The following GFM2 variants were observed in gnomAD, a reference collection of about 807,000 sequenced individuals.
GFM2 encodes the protein ribosome-releasing factor 2, mitochondrial.
A neutral mutation model predicts 95.4 loss-of-function variants in GFM2; 72 were observed. The ratio of observed to expected loss-of-function variants is 0.76; its 90% CI spans 0.62 to 0.92. The LOEUF is 0.92. GFM2 is among the 40% of genes least tolerant of loss of function. GFM2 has a pLI of 0.00. For synonymous variants in GFM2, 276 were observed against 317.5 expected (o/e 0.87, Z 1.39); for missense variants, 825 against 924.1 (o/e 0.89, Z 1.39).
At chr5:74,759,457 T>TA in intron 3 of GFM2, 31 bp from the exon 4 acceptor site, 1 of 1,175,580 alleles carries the variant, frequency 8.5e-7, no homozygotes. Context: ...ATTGAACTGT[T>TA]ACATTTATGA....
chr5:74,723,229 A>C (rs1264795475), intron 19 of GFM2, among the ~76,000 whole-genome samples: 1 of 152,170 alleles, frequency 6.6e-6, no homozygotes, highest in Non-Finnish European at 1.5e-5. Context: ...GGAGAGCTTC[A>C]AAAACGACTT....
intron 5 of GFM2, among the ~76,000 whole-genome samples, chr5:74,756,346 A>G (rs1350809320): frequency 1.3e-5 from 2 of 151,960 alleles, no homozygotes; most frequent in African/African-American, 4.8e-5. Flanking sequence ...ATACCACCTT[A>G]CTCCTGCAAG....
chr5:74,767,059 T>G lies in GFM2; in HGVS notation c.-146A>C, dbSNP rs1363120473. Reference sequence around the variant, plus strand: ...CGACGCCAGCCTAGGCAAAAGGCAATGTATCTAAACGAAAAGAAAATAGGC... The same window carrying G: ...CGACGCCAGCCTAGGCAAAAGGCAAGGTATCTAAACGAAAAGAAAATAGGC... On this transcript the variant is annotated 5_prime_UTR_variant, in exon 1 of 21. Transcript: ENST00000296805. 5.3e-6 allele frequency: 2 copies of G among 380,170 alleles called. No individual in the cohort carries two copies. Among genetic ancestry groups the G allele is most frequent in the Admixed American group, 8.0e-5 (2 of 24,996 alleles). 23.5% of individuals were successfully genotyped at this position (380,170 alleles called of 1,614,324 possible).
At chr5:74,738,452 T>C (rs1239081223) in intron 13 of GFM2, 35 bp from the exon 14 acceptor site, 12 of 1,610,798 alleles carry the variant, frequency 7.4e-6, no homozygotes, top group Non-Finnish European at 1.0e-5. Context: ...GTAAAAGTAT[T>C]TTTAAAGAAG....
At chr5:74,746,517 A>G (rs1397296013) in intron 8 of GFM2, among the ~76,000 whole-genome samples, 1 of 152,234 alleles carries the variant, frequency 6.6e-6, no homozygotes, top group East Asian at 1.9e-4. Context: ...ATTTGTGATA[A>G]GCCAAGGATT....
Position 74,738,501 on chromosome 5 carries a change from C to T in GFM2, c.1220+1G>A, listed in dbSNP as rs776748857. On this transcript the variant is annotated splice_donor_variant, in intron 13 of 20. Transcript: ENST00000296805. LOFTEE classifies it high-confidence loss of function. Reference sequence around the variant, plus strand: ...ATAAAATAATCTAAGCTTCTACTTACGTGCAGTTTCCATTAATATTATGAA... The same window carrying T: ...ATAAAATAATCTAAGCTTCTACTTATGTGCAGTTTCCATTAATATTATGAA... The T allele has an allele frequency of 1.1e-5, 18 of 1,611,760 alleles. No homozygotes were observed. Among genetic ancestry groups the T allele is most frequent in the African/African-American group, 2.7e-5 (2 of 74,714 alleles).
chr5:74,736,872 A>G lies in GFM2; in HGVS notation c.1434T>C (p.Leu478=). Residue 478 remains leucine, a synonymous_variant, in exon 15 of 21, where the codon CTT becomes CTC. Coordinates refer to ENST00000296805, the MANE Select transcript of GFM2 (RefSeq NM_032380.5). ...KHRQNNEAER[L]LLAGVEIPEP... ...CTGGAATCTCCACTCCAGCCAATAAAAGTCTCTCTGCTTCATTGTTTTGTC... is the reference window on the plus strand; with the variant it reads ...CTGGAATCTCCACTCCAGCCAATAAGAGTCTCTCTGCTTCATTGTTTTGTC... 1 of 1,613,880 alleles carries G rather than the reference A, an allele frequency of 6.2e-7. No homozygotes were observed. Among genetic ancestry groups the G allele is most frequent in the African/African-American group, 1.3e-5 (1 of 75,008 alleles).
intron 7 of GFM2, among the ~76,000 whole-genome samples, chr5:74,750,072 T>G (rs1212327649): frequency 6.6e-6 from 1 of 152,242 alleles, no homozygotes; most frequent in African/African-American, 2.4e-5. Flanking sequence ...AGCTAAAAGC[T>G]CATTCATTGT....
Position 74,722,462 on chromosome 5 carries a change from G to C in GFM2, c.2128C>G (p.Gln710Glu). Reference sequence around the variant, plus strand: ...ATTTCCTGAATGTTTCCTCTTCTTTGTGCCAGATCTGCCAGGACAGGGCTG... The same window carrying C: ...ATTTCCTGAATGTTTCCTCTTCTTTCTGCCAGATCTGCCAGGACAGGGCTG... ...YLSPVLADLA[Q>E]RRGNIQEIQT... Residue 710 changes from glutamine to glutamate, a missense_variant, in exon 20 of 21, where the codon CAA becomes GAA. Transcript: ENST00000296805. 6.2e-7 allele frequency: 1 copy of C among 1,613,908 alleles called. No individual in the cohort carries two copies. Among genetic ancestry groups the C allele is most frequent in the Non-Finnish European group, 8.5e-7 (1 of 1,179,912 alleles).
chr5:74,736,285 G>T, intron 15 of GFM2: 1 of 667,526 alleles, frequency 1.5e-6, no homozygotes, highest in Non-Finnish European at 1.9e-6. Flanking sequence ...TAAAGAGTTT[G>T]GGTGTGTGCT....
intron 12 of GFM2, among the ~76,000 whole-genome samples, chr5:74,739,048 T>C (rs1208114979): frequency 6.6e-6 from 1 of 152,112 alleles, no homozygotes; most frequent in Non-Finnish European, 1.5e-5. Context: ...ATCTATACTA[T>C]AAACTTGAAA....
chr5:74,737,635 A>G (rs1338372675), intron 14 of GFM2, among the ~76,000 whole-genome samples: 3 of 152,196 alleles, frequency 2.0e-5, no homozygotes, highest in Non-Finnish European at 1.5e-5. Context: ...ACCAGCCTAT[A>G]GGAATTTTCT....
chr5:74,729,548 C>G (rs1252163499), intron 17 of GFM2, among the ~76,000 whole-genome samples: 1 of 152,136 alleles, frequency 6.6e-6, no homozygotes, highest in Admixed American at 6.6e-5. Flanking sequence ...GATAAACAGT[C>G]CAGAAAGAGA....
chr5:74,729,653 G>C (rs1434450671), intron 17 of GFM2, among the ~76,000 whole-genome samples: 1 of 149,454 alleles, frequency 6.7e-6, no homozygotes, highest in Admixed American at 6.7e-5. Flanking sequence ...TGAGGAACTT[G>C]AAAGTACCTG....
At chr5:74,727,665 T>C (rs1377173729) in intron 17 of GFM2, among the ~76,000 whole-genome samples, 2 of 152,248 alleles carry the variant, frequency 1.3e-5, no homozygotes, top group Non-Finnish European at 2.9e-5. Flanking sequence ...AGCTGGTTCC[T>C]GTGTCCTTAT....
In GFM2 at chr5:74,738,535, T is replaced by A. The variant is rs780130081; in HGVS notation, c.1187A>T (p.Gln396Leu). The A allele has an allele frequency of 8.7e-6, 14 of 1,613,504 alleles. No individual in the cohort carries two copies. Among genetic ancestry groups the A allele is most frequent in the Non-Finnish European group, 1.2e-5 (14 of 1,179,698 alleles). Residue 396 changes from glutamine (Q) to leucine (L), a missense_variant, in exon 13 of 21, where the codon CAG (glutamine) becomes CTG (leucine). Coordinates refer to ENST00000296805, the MANE Select transcript of GFM2 (RefSeq NM_032380.5). Reference sequence around the variant, plus strand: ...TCCATTAATATTATGAATGGCCAACTGGGGTTTTATAGTGCCTGAGTAAAT... The same window carrying A: ...TCCATTAATATTATGAATGGCCAACAGGGGTTTTATAGTGCCTGAGTAAAT... ...MRIYSGTIKPQLAIHNINGNC... is the reference protein window; with the variant it reads ...MRIYSGTIKPLLAIHNINGNC...
At chr5:74,732,826 T>G (rs1742637178) in intron 16 of GFM2, among the ~76,000 whole-genome samples, 196 bp downstream of exon 16, 1 of 152,142 alleles carries the variant, frequency 6.6e-6, no homozygotes, top group African/African-American at 2.4e-5. Context: ...TAAGGAAAAT[T>G]TGCTTATTTA....
chr5:74,733,325 T>C lies in GFM2; in HGVS notation c.1511-227A>G, dbSNP rs563521610. ...GGGCAACATGGCGAAACCCCGTCTT[T>C]ACAAAAAAAGAAAAAAAAAAAAAGA... On this transcript the variant is annotated intron_variant, in intron 15 of 20. Coordinates refer to ENST00000296805, the MANE Select transcript of GFM2 (RefSeq NM_032380.5). 5.5e-4 allele frequency: 166 copies of C among 301,384 alleles called. 3 individuals are homozygous for C. The South Asian group carries it at 9.2e-3, about 17-fold the overall frequency. 18.7% of individuals were successfully genotyped at this position (301,384 alleles called of 1,614,324 possible).
chr5:74,750,553 C>A, intron 7 of GFM2, 26 bp downstream of exon 7: 1 of 1,520,214 alleles, frequency 6.6e-7, no homozygotes, highest in Non-Finnish European at 9.1e-7. Context: ...TGTTCTAATT[C>A]CCTTTACTTT....
Sources: gnomAD v4.1 joint callset for allele counts (sites outside exome capture counted in the v4.1 genomes callset) on GRCh38, gnomAD v4.1.1 for gene constraint, MANE v1.5 for transcripts, NCBI Gene and HGNC (gene_info 2026-07-23, HGNC 2026-07-21) for gene names.